ZNF423: variants seen among roughly 807,000 people sequenced by gnomAD.
The protein encoded by ZNF423 is zinc finger protein 423, also known as Ebf-associated zinc finger protein.
A neutral mutation model predicts 95.8 loss-of-function variants in ZNF423; 12 were observed. The ratio of observed to expected loss-of-function variants is 0.13; its 90% CI spans 0.08 to 0.20. The LOEUF (loss-of-function observed/expected upper bound fraction) is 0.20. Among genes scored for constraint, ZNF423 ranks in the 10% least tolerant of loss-of-function variants. The probability of loss-of-function intolerance (pLI) is 1.00; values close to 1 mark genes in which losing one functional copy is unlikely to be tolerated. For missense variants in ZNF423, 1,316 were observed against 1,737.1 expected, an observed-to-expected ratio of 0.76 and a Z score of 4.31; for synonymous variants, 749 against 711.9, an observed-to-expected ratio of 1.05 and a Z score of -0.83.
chr16:49,643,552 C>A (rs1165220066), intron 3 of ZNF423, among the ~76,000 whole-genome samples: 2 of 131,458 alleles, frequency 1.5e-5, no homozygotes, highest in Non-Finnish European at 3.2e-5. Context: ...GGCTTCACTA[C>A]CCCCCACCCC....
chr16:49,673,683 A>C (rs1457016699), intron 3 of ZNF423, among the ~76,000 whole-genome samples: 1 of 152,270 alleles, frequency 6.6e-6, no homozygotes, highest in East Asian at 1.9e-4. Context: ...GTATGTATGC[A>C]TGTGCACACA....
chr16:49,792,239 A>G (rs545670607), intron 1 of ZNF423, among the ~76,000 whole-genome samples: 1 of 152,238 alleles, frequency 6.6e-6, no homozygotes, highest in African/African-American at 2.4e-5. Context: ...CACCCACTCA[A>G]GGTGGTTTAG....
At chr16:49,522,531 G>A (rs999505767) in intron 7 of ZNF423, among the ~76,000 whole-genome samples, 2 of 152,106 alleles carry the variant, frequency 1.3e-5, no homozygotes, top group African/African-American at 2.4e-5. Context: ...CACAGAGACC[G>A]AGAGGAGGTT....
intron 4 of ZNF423, among the ~76,000 whole-genome samples, chr16:49,627,426 C>G (rs1413762404): frequency 6.7e-6 from 1 of 150,166 alleles, no homozygotes; most frequent in Non-Finnish European, 1.5e-5. Context: ...ATCCATCCTC[C>G]ATCTACCCAT....
At chr16:49,682,806 A>G (rs2031417536) in intron 3 of ZNF423, among the ~76,000 whole-genome samples, 2 of 152,216 alleles carry the variant, frequency 1.3e-5, no homozygotes, top group African/African-American at 4.8e-5. Context: ...CAAAGAACTC[A>G]ATAAACAGCA....
At chr16:49,804,949 G>T (rs1242866901) in intron 1 of ZNF423, among the ~76,000 whole-genome samples, 2 of 146,032 alleles carry the variant, frequency 1.4e-5, no homozygotes, top group Non-Finnish European at 3.0e-5. Flanking sequence ...CCCCAGGCTG[G>T]AGTGCAGTGG....
At chr16:49,858,991 G>A (rs1424922783), upstream of ZNF423, among the ~76,000 whole-genome samples, 1 of 152,236 alleles carries the variant, frequency 6.6e-6, no homozygotes, top group East Asian at 1.9e-4. This position sits in a 1 kb window ranked among gnomAD's most constrained non-coding sequence, Gnocchi z 4.3. Context: ...TAGAGGTAGG[G>A]GGCGGGGAAC....
chr16:49,498,298 C>T (rs1468168566), intron 7 of ZNF423, among the ~76,000 whole-genome samples: 2 of 152,246 alleles, frequency 1.3e-5, no homozygotes, highest in African/African-American at 4.8e-5. Flanking sequence ...GATGGCAGTG[C>T]TGGGTCTGCA....
chr16:49,552,141 C>T (rs1969663477), intron 5 of ZNF423, among the ~76,000 whole-genome samples: 1 of 152,226 alleles, frequency 6.6e-6, no homozygotes, highest in Non-Finnish European at 1.5e-5. Context: ...CTGCATAACC[C>T]TCACTGTCCC....
At chr16:49,838,980 G>A (rs1432451730) in intron 1 of ZNF423, among the ~76,000 whole-genome samples, 7 of 151,772 alleles carry the variant, frequency 4.6e-5, no homozygotes, top group African/African-American at 1.7e-4. Flanking sequence ...AGCGTCGGCC[G>A]GGCTCCCCTC....
chr16:49,817,271 C>T (rs902539313), intron 1 of ZNF423, among the ~76,000 whole-genome samples: 15 of 152,126 alleles, frequency 9.9e-5, no homozygotes, highest in African/African-American at 2.9e-4. Context: ...AAGTTTACCT[C>T]GACACTTTTC....
At chr16:49,823,640 T>C (rs2034972126) in intron 1 of ZNF423, among the ~76,000 whole-genome samples, 1 of 151,920 alleles carries the variant, frequency 6.6e-6, no homozygotes, top group South Asian at 2.1e-4. Flanking sequence ...AGTTATAACT[T>C]GTTGGGGGAA....
intron 7 of ZNF423, among the ~76,000 whole-genome samples, chr16:49,500,813 C>T (rs1487530120): frequency 2.0e-5 from 3 of 150,724 alleles, no homozygotes; most frequent in Admixed American, 2.0e-4. Flanking sequence ...ATGGCTGAGG[C>T]GGGAGGATCA....
intron 1 of ZNF423, among the ~76,000 whole-genome samples, chr16:49,831,536 A>G (rs1425770189): frequency 3.9e-5 from 6 of 152,188 alleles, no homozygotes; most frequent in Admixed American, 3.9e-4. Flanking sequence ...AGCTGCTGTG[A>G]GAACAGCATG....
Position 49,520,466 on chromosome 16 carries a change from C to T in ZNF423, c.3849+3158G>A, listed in dbSNP as rs79852289. Among the ~76,000 whole-genome samples the T allele has an allele frequency of 1.9e-3, 291 of 152,292 alleles. 1 individual carries two copies. The highest frequency in any genetic ancestry group is 6.9e-3 in the African/African-American group (285 of 41,560). ...CAATGTTGACAGAGACCAAGCCTGTCATGGTTCAGTTCTACCTCCTAAACT... is the reference window on the plus strand; with the variant it reads ...CAATGTTGACAGAGACCAAGCCTGTTATGGTTCAGTTCTACCTCCTAAACT... On this transcript the variant is annotated intron_variant, in intron 7 of 7. Coordinates refer to ENST00000563137, the MANE Select transcript of ZNF423 (RefSeq NM_001379286.1).
chr16:49,854,400 T>C (rs2035334693), intron 1 of ZNF423: 2 of 981,734 alleles, frequency 2.0e-6, no homozygotes, highest in South Asian at 4.7e-5. Flanking sequence ...CCAGATTCAG[T>C]TCCAGCCATT....
intron 4 of ZNF423, among the ~76,000 whole-genome samples, chr16:49,630,365 T>C (rs1277661851): frequency 6.6e-6 from 1 of 152,098 alleles, no homozygotes; most frequent in African/African-American, 2.4e-5. Flanking sequence ...CCACCTACTC[T>C]GCTTGGCAAA....
At chr16:49,813,305 A>G (rs1597032752) in intron 1 of ZNF423, among the ~76,000 whole-genome samples, 1 of 151,000 alleles carries the variant, frequency 6.6e-6, no homozygotes, top group Middle Eastern at 3.4e-3. Context: ...CCCCGACTCC[A>G]GGCAGCCAGA....
intron 7 of ZNF423, among the ~76,000 whole-genome samples, chr16:49,491,612 G>A (rs1966972802): frequency 6.7e-6 from 1 of 150,186 alleles, no homozygotes; most frequent in Non-Finnish European, 1.5e-5. Context: ...GGAGGGAAAG[G>A]GGAAATGCCG....
Sources: allele counts gnomAD v4.1 joint callset (sites outside exome capture counted in the v4.1 genomes callset), GRCh38; gene constraint gnomAD v4.1.1; non-coding constraint Gnocchi (gnomAD v3.1); transcripts MANE v1.5; gene names NCBI Gene and HGNC (gene_info 2026-07-23, HGNC 2026-07-21).